The following PPP3CB variants were observed in gnomAD, a reference collection of about 807,000 sequenced individuals.
PPP3CB encodes the protein protein phosphatase 3 catalytic subunit beta.
PPP3CB carries 8 observed loss-of-function variants against 66.4 expected under a neutral mutation model. The observed-to-expected ratio is 0.12, with a 90% CI of 0.07 to 0.22. PPP3CB has a LOEUF of 0.22. PPP3CB is among the 10% of genes least tolerant of loss of function. The probability of loss-of-function intolerance (pLI) is 1.00; values close to 1 mark genes in which losing one functional copy is unlikely to be tolerated. For missense variants in PPP3CB, 319 were observed against 642.5 expected, an observed-to-expected ratio of 0.50 and a Z score of 5.44; for synonymous variants, 208 against 221.2, an observed-to-expected ratio of 0.94 and a Z score of 0.53.
At chr10:73,466,301 G>A (rs1469222688) in intron 9 of PPP3CB, among the ~76,000 whole-genome samples, 6 of 152,060 alleles carry the variant, frequency 3.9e-5, no homozygotes, top group African/African-American at 2.4e-5. Flanking sequence ...TAGATATAAC[G>A]AAATATTTCC....
intron 1 of PPP3CB, among the ~76,000 whole-genome samples, chr10:73,486,821 T>G (rs2056986554): frequency 6.6e-6 from 1 of 152,206 alleles, no homozygotes; most frequent in African/African-American, 2.4e-5. Context: ...AAAAAATGCC[T>G]CCTCCTTTGA....
At chr10:73,439,390 T>C (rs1397616996) in intron 13 of PPP3CB, among the ~76,000 whole-genome samples, 1 of 151,588 alleles carries the variant, frequency 6.6e-6, no homozygotes, top group African/African-American at 2.4e-5. Flanking sequence ...AAAAAGAAAA[T>C]CATTATAGTG....
chr10:73,462,266 C>G (rs948112017), intron 9 of PPP3CB, among the ~76,000 whole-genome samples: 3 of 150,250 alleles, frequency 2.0e-5, no homozygotes, highest in African/African-American at 7.3e-5. Flanking sequence ...TCAAGCAATC[C>G]TTTCACCTTA....
At chr10:73,491,861 G>A (rs1372949721) in intron 1 of PPP3CB, among the ~76,000 whole-genome samples, 7 of 152,152 alleles carry the variant, frequency 4.6e-5, no homozygotes, top group African/African-American at 1.7e-4. Context: ...CAGCTACTTG[G>A]GAGGTTGAGG....
intron 1 of PPP3CB, 98 bp downstream of exon 1, chr10:73,495,707 G>A (rs1176828254): frequency 2.7e-6 from 4 of 1,460,402 alleles, no homozygotes; most frequent in African/African-American, 3.0e-5. Context: ...TCACTCGCCC[G>A]CCCTTCCGGG....
At chr10:73,487,926 G>A (rs959192303) in intron 1 of PPP3CB, among the ~76,000 whole-genome samples, 16 of 151,586 alleles carry the variant, frequency 1.1e-4, no homozygotes, top group Non-Finnish European at 1.3e-4. Flanking sequence ...GATTACAGGC[G>A]CCCACCATCA....
chr10:73,483,622 A>C (rs1299230401), intron 1 of PPP3CB, among the ~76,000 whole-genome samples: 1 of 152,182 alleles, frequency 6.6e-6, no homozygotes, highest in Non-Finnish European at 1.5e-5. Flanking sequence ...ATGCCAGTGC[A>C]TTCCAGCCTG....
chr10:73,495,931 TGGGGGC>T lies in PPP3CB; in HGVS notation c.-48_-43del. On this transcript the variant is annotated 5_prime_UTR_variant, in exon 1 of 14. Coordinates refer to ENST00000360663, the MANE Select transcript of PPP3CB (RefSeq NM_021132.4). Reference sequence around the variant, plus strand: ...GGCTAGGCTCTGGGCCGGGCGGGGTTGGGGGCGGGGGCGGCGGCTACCAGAGCCAAG... The same window carrying T: ...GGCTAGGCTCTGGGCCGGGCGGGGTTGGGGGCGGCGGCTACCAGAGCCAAG... The T allele has an allele frequency of 4.0e-5, 4 of 99,514 alleles. No individual in the cohort carries two copies. Among genetic ancestry groups the T allele is most frequent in the Non-Finnish European group, 6.8e-5 (4 of 58,604 alleles). The allele number at this position is 99,514 out of a possible 1,614,324, so 6.2% of individuals were successfully genotyped here. A position where few individuals can be genotyped will look rare whatever the true frequency, so the allele number is the denominator to read the frequency against.
chr10:73,457,191 A>C (rs549554318), intron 9 of PPP3CB, among the ~76,000 whole-genome samples: 2 of 145,546 alleles, frequency 1.4e-5, no homozygotes, highest in South Asian at 4.6e-4. Flanking sequence ...ATGAAGAAGG[A>C]GGATCACTTG....
intron 12 of PPP3CB, 46 bp downstream of exon 12, chr10:73,444,679 G>GT: frequency 6.2e-7 from 1 of 1,612,624 alleles, no homozygotes; most frequent in Non-Finnish European, 8.5e-7. Context: ...AGAGTGAGGT[G>GT]TGCCCCAGTC....
chr10:73,456,733 C>A (rs1470390407), intron 9 of PPP3CB, among the ~76,000 whole-genome samples: 1 of 151,962 alleles, frequency 6.6e-6, no homozygotes, highest in Non-Finnish European at 1.5e-5. Flanking sequence ...CTAAAACTCT[C>A]AGAAAAAAAC....
intron 13 of PPP3CB, among the ~76,000 whole-genome samples, chr10:73,438,988 A>G (rs2132743219): frequency 6.6e-6 from 1 of 152,364 alleles, no homozygotes; most frequent in South Asian, 2.1e-4. Context: ...AAGTGCCTCC[A>G]AGAGTTAGAT....
chr10:73,470,189 T>TA (rs149544710), intron 8 of PPP3CB, among the ~76,000 whole-genome samples: 2 of 149,674 alleles, frequency 1.3e-5, no homozygotes, highest in Non-Finnish European at 3.0e-5. Context: ...CTGAATTAAT[T>TA]AAAAAAAAGC....
chr10:73,456,486 G>A (rs2056429382), intron 9 of PPP3CB, among the ~76,000 whole-genome samples: 1 of 152,202 alleles, frequency 6.6e-6, no homozygotes, highest in Admixed American at 6.5e-5. Context: ...TGATGTAGTA[G>A]TCATTTATCA....
chr10:73,495,809 G>C lies in PPP3CB; in HGVS notation c.81C>G (p.Val27=), dbSNP rs570380859. 1.3e-6 allele frequency: 2 copies of C among 1,534,786 alleles called. No individual in the cohort carries two copies. Among genetic ancestry groups the C allele is most frequent in the South Asian group, 2.3e-5 (2 of 88,396 alleles). Residue 27 remains valine, a synonymous_variant, in exon 1 of 14, where the codon GTC becomes GTG. Coordinates refer to ENST00000360663, the MANE Select transcript of PPP3CB (RefSeq NM_021132.4). ...AGGGTTTCGTCCACCTCTCACCTTTGACGACGCGGTCAGCCCCGGGAGGGG... is the reference window on the plus strand; with the variant it reads ...AGGGTTTCGTCCACCTCTCACCTTTCACGACGCGGTCAGCCCCGGGAGGGG... ...PPPPPGADRV[V]KAVPFPPTHR...
chr10:73,474,615 T>C (rs2056759581), intron 4 of PPP3CB, among the ~76,000 whole-genome samples: 1 of 151,244 alleles, frequency 6.6e-6, no homozygotes, highest in South Asian at 2.1e-4. Context: ...TTTTTTTGTA[T>C]TTTTGGTGGA....
chr10:73,448,251 C>A (rs567862724), intron 10 of PPP3CB, among the ~76,000 whole-genome samples: 1 of 152,090 alleles, frequency 6.6e-6, no homozygotes, highest in African/African-American at 2.4e-5. Flanking sequence ...ATGAAAAATT[C>A]ACAGGAATAT....
chr10:73,486,850 A>G (rs1002050612), intron 1 of PPP3CB, among the ~76,000 whole-genome samples: 8 of 152,152 alleles, frequency 5.3e-5, no homozygotes. Flanking sequence ...CCTTCTGGCT[A>G]GTTTACCCTT....
rs57190155 is a variant in PPP3CB at position 73,485,908 on chromosome 10, TTGTGTGTGTGTGTGTGTGTGTGTG to T, written c.86-6415_86-6392del. 3.1e-3 allele frequency among the ~76,000 whole-genome samples: 380 copies of T among 121,330 alleles called. 1 individual carries two copies. Among genetic ancestry groups the T allele is most frequent in the African/African-American group, 0.01 (336 of 32,296 alleles). 79.6% of individuals were successfully genotyped at this position (121,330 alleles called of 152,430 possible). On this transcript the variant is annotated intron_variant, in intron 1 of 13. Transcript: ENST00000360663. The stretch of plus-strand genomic sequence containing the variant: ...GGCACACACCACCACACCTGGCTAA[TTGTGTGTGTGTGTGTGTGTGTGTG>T]TGTGTGTGTGTGTGTGTGTATTTTT...
Sources: allele counts gnomAD v4.1 joint callset (sites outside exome capture counted in the v4.1 genomes callset), GRCh38; gene constraint gnomAD v4.1.1; transcripts MANE v1.5; gene names NCBI Gene and HGNC (gene_info 2026-07-23, HGNC 2026-07-21).